The following PDE4D variants were observed in gnomAD, a reference collection of about 807,000 sequenced individuals.
PDE4D encodes phosphodiesterase 4D, also known as 3',5'-cyclic-AMP phosphodiesterase 4D.
PDE4D carries 24 observed loss-of-function variants against 87.4 expected under a neutral mutation model. The ratio of observed to expected loss-of-function variants is 0.27; its 90% CI spans 0.20 to 0.39. The LOEUF is 0.39. Among genes scored for constraint, PDE4D ranks in the 10% least tolerant of loss-of-function variants. The pLI, the probability that PDE4D is intolerant of heterozygous loss-of-function variation, is 1.00. For synonymous variants in PDE4D, 384 were observed against 383.2 expected (o/e 1.00, Z -0.02); for missense variants, 714 against 1,041.0 (o/e 0.69, Z 4.32).
intron 5 of PDE4D, among the ~76,000 whole-genome samples, chr5:59,152,516 A>C (rs993418288): frequency 7.9e-5 from 12 of 152,204 alleles, no homozygotes; most frequent in African/African-American, 2.7e-4. Flanking sequence ...ATAGTTTGCA[A>C]AACAGATGTT....
intron 1 of PDE4D, among the ~76,000 whole-genome samples, chr5:59,411,614 A>G (rs1015577739): frequency 1.3e-5 from 2 of 152,254 alleles, no homozygotes; most frequent in Admixed American, 6.5e-5. Context: ...GCATGTGTCT[A>G]ATGTCTCTTT....
chr5:60,177,290 T>C (rs1582975558), intron 2 of PDE4D, among the ~76,000 whole-genome samples: 1 of 152,096 alleles, frequency 6.6e-6, no homozygotes, highest in Admixed American at 6.6e-5. Flanking sequence ...AGAAGAGAGC[T>C]GGTCGCTGGT....
intron 1 of PDE4D, among the ~76,000 whole-genome samples, chr5:60,275,384 A>G (rs1430346075): frequency 6.6e-6 from 1 of 152,130 alleles, no homozygotes; most frequent in East Asian, 1.9e-4. Context: ...TATAATTTTG[A>G]TTAATCAAAA....
intron 1 of PDE4D, among the ~76,000 whole-genome samples, chr5:59,627,453 T>C (rs1012842394): frequency 6.6e-6 from 1 of 152,246 alleles, no homozygotes; most frequent in Non-Finnish European, 1.5e-5. Context: ...GTATTTCATA[T>C]TTTATTCTTA....
In PDE4D at chr5:59,033,756, G is replaced by A. The variant is rs76910814; in HGVS notation, c.921+5103C>T. On this transcript the variant is annotated intron_variant, in intron 6 of 14. Transcript: ENST00000340635. ...ATCCTTATGTTTCGGAATTTTTTTC[G>A]AAAACGTAGACAGTTCATAATGCTC... Among the ~76,000 whole-genome samples, 200 of 151,628 alleles carry A rather than the reference G, an allele frequency of 1.3e-3. 1 individual carries two copies. Among genetic ancestry groups the A allele is most frequent in the African/African-American group, 4.6e-3 (189 of 41,352 alleles).
At chr5:59,982,665 T>C (rs1234784102) in intron 3 of PDE4D, among the ~76,000 whole-genome samples, 1 of 152,124 alleles carries the variant, frequency 6.6e-6, no homozygotes, top group African/African-American at 2.4e-5. Flanking sequence ...GAACAGCACT[T>C]GAAAGCAAGA....
In PDE4D at chr5:58,988,568, G is replaced by T; in HGVS notation, c.1477C>A (p.Leu493Ile). 6.7e-7 allele frequency: 1 copy of T among 1,498,348 alleles called. No homozygotes were observed. Among genetic ancestry groups the T allele is most frequent in the Non-Finnish European group, 9.0e-7 (1 of 1,114,872 alleles). 92.8% of individuals were successfully genotyped at this position (1,498,348 alleles called of 1,614,324 possible). Residue 493 changes from leucine (L) to isoleucine (I), a missense_variant, in exon 11 of 15, where the codon CTT becomes ATT. By Grantham distance (5) the Leu-to-Ile change is conservative (BLOSUM62 2). This residue lies in a region of PDE4D where 141 missense variants were observed against 204.3 expected (regional missense o/e 0.69). Transcript: ENST00000340635. ...LEAVFTDLEI[L>I]AAIFASAIHD... is the part of the protein sequence containing the mutation. ...ATTGCACTGGCAAAAATTGCTGCAA[G>T]AATCTCCAAATCTGTAAACACAGCC...
chr5:60,474,138 A>G (rs1329468606), intron 1 of PDE4D, among the ~76,000 whole-genome samples: 2 of 96,620 alleles, frequency 2.1e-5, no homozygotes, highest in East Asian at 6.8e-4. Flanking sequence ...ATATATATAT[A>G]TATATATATA....
chr5:59,379,188 T>G (rs2059175), intron 1 of PDE4D, among the ~76,000 whole-genome samples: 23,232 of 151,978 alleles, frequency 0.15, 1,818 homozygotes, highest in East Asian at 0.22. Flanking sequence ...AAAGTGACTC[T>G]AATGATGTGT....
At chr5:60,421,726 A>G (rs1235358891) in intron 1 of PDE4D, among the ~76,000 whole-genome samples, 1 of 152,144 alleles carries the variant, frequency 6.6e-6, no homozygotes, top group African/African-American at 2.4e-5. Flanking sequence ...CTTCAGAAGG[A>G]TGGTAATAAC....
At chr5:60,198,436 G>A (rs950049833) in intron 1 of PDE4D, among the ~76,000 whole-genome samples, 1 of 151,550 alleles carries the variant, frequency 6.6e-6, no homozygotes, top group Non-Finnish European at 1.5e-5. Context: ...AGAATTTGGA[G>A]TCAAATTCTG....
At chr5:59,477,815 G>A (rs1725546493) in intron 1 of PDE4D, among the ~76,000 whole-genome samples, 1 of 152,010 alleles carries the variant, frequency 6.6e-6, no homozygotes. Flanking sequence ...TGGTGGTTTG[G>A]ATAAAGAAAA....
At chr5:59,682,501 C>T (rs554677482) in intron 1 of PDE4D, among the ~76,000 whole-genome samples, 4 of 152,270 alleles carry the variant, frequency 2.6e-5, no homozygotes, top group Admixed American at 6.5e-5. Context: ...TGAATGTTTA[C>T]GTTGCCTCCA....
At chr5:60,483,365 A>G (rs988321622) in intron 1 of PDE4D, among the ~76,000 whole-genome samples, 1 of 152,208 alleles carries the variant, frequency 6.6e-6, no homozygotes, top group Non-Finnish European at 1.5e-5. Flanking sequence ...TACTTTTTGC[A>G]TATACTACAG....
chr5:60,507,026 T>C (rs1750355083), intron 1 of PDE4D, among the ~76,000 whole-genome samples: 1 of 152,228 alleles, frequency 6.6e-6, no homozygotes, highest in Non-Finnish European at 1.5e-5. Flanking sequence ...TTATGCTATA[T>C]ATGCCATGAT....
At chr5:59,964,245 G>C (rs1045807624) in intron 3 of PDE4D, among the ~76,000 whole-genome samples, 35 of 151,912 alleles carry the variant, frequency 2.3e-4, no homozygotes, top group African/African-American at 7.7e-4. Context: ...CCTTTACTTT[G>C]GTCTCATTAT....
chr5:59,510,712 G>C (rs1338115398), intron 1 of PDE4D, among the ~76,000 whole-genome samples: 2 of 151,880 alleles, frequency 1.3e-5, no homozygotes, highest in Non-Finnish European at 2.9e-5. Context: ...CTATTTCCCA[G>C]GTATATGGAA....
At chr5:59,875,512 G>C (rs1261655372) in intron 1 of PDE4D, among the ~76,000 whole-genome samples, 2 of 128,916 alleles carry the variant, frequency 1.6e-5, no homozygotes, top group South Asian at 5.8e-4. Flanking sequence ...TATCCTGCTT[G>C]AAAAAGGACA....
At chr5:60,113,882 A>G (rs1057099926) in intron 2 of PDE4D, among the ~76,000 whole-genome samples, 13 of 152,132 alleles carry the variant, frequency 8.5e-5, no homozygotes, top group African/African-American at 3.1e-4. Context: ...TGCCAGGTTT[A>G]CAGGTGATCC....
Sources: allele counts gnomAD v4.1 joint callset (sites outside exome capture counted in the v4.1 genomes callset), GRCh38; gene constraint gnomAD v4.1.1; regional missense constraint gnomAD v4.1.1; transcripts MANE v1.5; gene names NCBI Gene and HGNC (gene_info 2026-07-23, HGNC 2026-07-21).